ABHD17B: variants seen among roughly 807,000 people sequenced by gnomAD.
The protein encoded by ABHD17B is abhydrolase domain containing 17B, depalmitoylase, also known as alpha/beta hydrolase domain-containing protein 17B.
In ABHD17B, 9 loss-of-function variants were observed where a neutral mutation model predicts 26.2. That is an observed-to-expected ratio of 0.34 (90% CI 0.21 to 0.60). The LOEUF is 0.60. ABHD17B is among the 20% of genes least tolerant of loss of function. The pLI, the probability that ABHD17B is intolerant of heterozygous loss-of-function variation, is 0.80. For missense variants in ABHD17B, 224 were observed against 352.1 expected (o/e 0.64, Z 2.91); for synonymous variants, 127 against 122.3 (o/e 1.04, Z -0.25).
Position 71,866,097 on chromosome 9 carries a change from C to T in ABHD17B, c.*690G>A. ...TAAGTACTTGCCTCACAGTACCAAACTTAGAAGTCAAAACTAGTTAAAATT... is the reference window on the plus strand; with the variant it reads ...TAAGTACTTGCCTCACAGTACCAAATTTAGAAGTCAAAACTAGTTAAAATT... On this transcript the variant is annotated 3_prime_UTR_variant, in exon 4 of 4. Transcript: ENST00000333421. The T allele has an allele frequency of 2.0e-6, 2 of 985,484 alleles. No individual in the cohort carries two copies. Among genetic ancestry groups the T allele is most frequent in the Non-Finnish European group, 2.4e-6 (2 of 829,762 alleles). The allele number at this position is 985,484 out of a possible 1,614,324, so 61.0% of individuals were successfully genotyped here. A position where few individuals can be genotyped will look rare whatever the true frequency, so the allele number is the denominator to read the frequency against.
chr9:71,866,538 T>G lies in ABHD17B; in HGVS notation c.*249A>C. On this transcript the variant is annotated 3_prime_UTR_variant, in exon 4 of 4. Coordinates refer to ENST00000333421, the MANE Select transcript of ABHD17B (RefSeq NM_001025780.3). ...ATAGAATTAAAATCTCATACAGTAC[T>G]CATCTTGATGTTAAAAAAAAATTCA... The G allele has an allele frequency of 5.4e-6, 7 of 1,296,376 alleles. No individual in the cohort carries two copies. Among genetic ancestry groups the G allele is most frequent in the Non-Finnish European group, 6.9e-6 (7 of 1,019,526 alleles). The allele number at this position is 1,296,376 out of a possible 1,614,324, so 80.3% of individuals were successfully genotyped here.
At chr9:71,892,970 C>T (rs1286232997) in intron 1 of ABHD17B, among the ~76,000 whole-genome samples, 1 of 152,162 alleles carries the variant, frequency 6.6e-6, no homozygotes, top group Admixed American at 6.5e-5. Flanking sequence ...CTGGCAACCA[C>T]CATTTTGTCT....
In ABHD17B at chr9:71,874,796, G is replaced by A. The variant is rs1255453963; in HGVS notation, c.285C>T (p.Leu95=). 2 of 1,614,210 alleles carry A rather than the reference G, an allele frequency of 1.2e-6. No homozygotes were observed. Among genetic ancestry groups the A allele is most frequent in the South Asian group, 2.2e-5 (2 of 91,084 alleles). The change falls in exon 2 of 4, where the codon CTC becomes CTT. Residue 95 remains leucine (L), a synonymous_variant. Transcript: ENST00000333421. ...GATCAACAGCATTTCCATGTGAGAAGAGTAAAGTGTATTTCGCATTGGGTG... is the reference window on the plus strand; with the variant it reads ...GATCAACAGCATTTCCATGTGAGAAAAGTAAAGTGTATTTCGCATTGGGTG... ...RCSPNAKYTL[L]FSHGNAVDLG...
At chr9:71,878,415 C>T (rs940314924) in intron 1 of ABHD17B, among the ~76,000 whole-genome samples, 3 of 151,954 alleles carry the variant, frequency 2.0e-5, no homozygotes, top group Non-Finnish European at 4.4e-5. Flanking sequence ...AAAGATAAGA[C>T]TATTTAAGAA....
Position 71,911,013 on chromosome 9 carries a change from C to CAGG in ABHD17B, c.-384_-383insCCT. 6.5e-6 allele frequency: 1 copy of CAGG among 154,370 alleles called. No homozygotes were observed. Among genetic ancestry groups the CAGG allele is most frequent in the East Asian group, 1.9e-4 (1 of 5,260 alleles). The allele number at this position is 154,370 out of a possible 1,614,324, so 9.6% of individuals were successfully genotyped here. On this transcript the variant is annotated 5_prime_UTR_variant, in exon 1 of 4. Transcript: ENST00000333421. ...GTCGCAGCCGCCGCCGCCACCGCCT[C>CAGG]CCTTTCTGGCACTGCAGACGCCACC...
intron 1 of ABHD17B, among the ~76,000 whole-genome samples, chr9:71,877,236 A>G (rs1344685095): frequency 6.6e-6 from 1 of 152,236 alleles, no homozygotes; most frequent in Admixed American, 6.5e-5. Flanking sequence ...CTGCAGAAAG[A>G]TGATGAGGTA....
intron 2 of ABHD17B, among the ~76,000 whole-genome samples, chr9:71,871,733 T>C (rs186278711): frequency 3.5e-3 from 539 of 152,318 alleles, no homozygotes; most frequent in African/African-American, 0.012. Context: ...TCCAGCTGCC[T>C]AATGAGCAGA....
intron 1 of ABHD17B, among the ~76,000 whole-genome samples, chr9:71,891,953 C>T (rs114724515): frequency 2.0e-5 from 3 of 152,184 alleles, no homozygotes; most frequent in Non-Finnish European, 4.4e-5. Context: ...CACGATAGCA[C>T]AGTGTAGTCC....
chr9:71,899,685 C>A (rs1292300952), intron 1 of ABHD17B, among the ~76,000 whole-genome samples: 1 of 152,182 alleles, frequency 6.6e-6, no homozygotes, highest in Non-Finnish European at 1.5e-5. Flanking sequence ...ATGCCCCCTA[C>A]TGCCTCAATT....
At chr9:71,879,902 C>T (rs145777228) in intron 1 of ABHD17B, among the ~76,000 whole-genome samples, 1 of 152,172 alleles carries the variant, frequency 6.6e-6, no homozygotes, top group Non-Finnish European at 1.5e-5. Flanking sequence ...GGAACTGATA[C>T]ATGACAGAAT....
At chr9:71,909,566 T>C (rs143753922) in intron 1 of ABHD17B, among the ~76,000 whole-genome samples, 23 of 152,338 alleles carry the variant, frequency 1.5e-4, no homozygotes, top group African/African-American at 5.3e-4. Flanking sequence ...TATTACAACA[T>C]GTATCTGGCT....
downstream of ABHD17B, chr9:71,862,595 T>C (rs762809626): frequency 5.9e-6 from 8 of 1,367,352 alleles, no homozygotes; most frequent in Admixed American, 6.7e-5. Context: ...TTCCCTTCTT[T>C]ATGTTTCTGC....
At chr9:71,872,830 A>G (rs2132133384) in intron 2 of ABHD17B, among the ~76,000 whole-genome samples, 1 of 152,206 alleles carries the variant, frequency 6.6e-6, no homozygotes, top group Non-Finnish European at 1.5e-5. Context: ...CAATAACTTT[A>G]CCATCCCCCA....
chr9:71,894,216 T>C (rs1454347222), intron 1 of ABHD17B, among the ~76,000 whole-genome samples: 1 of 151,932 alleles, frequency 6.6e-6, no homozygotes, highest in Non-Finnish European at 1.5e-5. Context: ...ATAATGCACA[T>C]TTTGCTTGTC....
At chr9:71,879,652 C>T (rs542818933) in intron 1 of ABHD17B, among the ~76,000 whole-genome samples, 2 of 152,228 alleles carry the variant, frequency 1.3e-5, no homozygotes, top group Non-Finnish European at 2.9e-5. Flanking sequence ...AAACAAAGAA[C>T]AAAAAGCAAT....
At chr9:71,868,747 G>A (rs1353281618) in intron 3 of ABHD17B, among the ~76,000 whole-genome samples, 2 of 152,164 alleles carry the variant, frequency 1.3e-5, no homozygotes, top group East Asian at 3.8e-4. Context: ...GGAGTGCAGT[G>A]GCACCATCTT....
chr9:71,868,909 G>A (rs1251973844), intron 3 of ABHD17B, among the ~76,000 whole-genome samples: 2 of 152,044 alleles, frequency 1.3e-5, no homozygotes, highest in African/African-American at 4.8e-5. Flanking sequence ...GGCTGGTCTC[G>A]AACTCTTGGC....
chr9:71,870,037 T>A (rs919013062), intron 3 of ABHD17B, 46 bp downstream of exon 3: 1 of 1,530,170 alleles, frequency 6.5e-7, no homozygotes, highest in Non-Finnish European at 8.8e-7. Flanking sequence ...GATGAAAAAA[T>A]TCCCAAGTTT....
chr9:71,869,460 C>A (rs1265750943), intron 3 of ABHD17B, among the ~76,000 whole-genome samples: 1 of 152,116 alleles, frequency 6.6e-6, no homozygotes. Context: ...TTTTTTCCAA[C>A]TATGAAGAGT....
Sources: allele counts gnomAD v4.1 joint callset (sites outside exome capture counted in the v4.1 genomes callset), GRCh38; gene constraint gnomAD v4.1.1; transcripts MANE v1.5; gene names NCBI Gene and HGNC (gene_info 2026-07-23, HGNC 2026-07-21).